SEMA3D: variants seen among roughly 807,000 people sequenced by gnomAD.
SEMA3D encodes semaphorin 3D.
In SEMA3D, 84 loss-of-function variants were observed where a neutral mutation model predicts 100.1. That is an observed-to-expected ratio of 0.84 (90% CI 0.70 to 1.01). SEMA3D has a LOEUF of 1.01. Among genes scored for constraint, SEMA3D ranks in the 50% least tolerant of loss-of-function variants. SEMA3D has a pLI of 0.00. For synonymous variants in SEMA3D, 312 were observed against 320.7 expected, an observed-to-expected ratio of 0.97 and a Z score of 0.29; for missense variants, 875 against 934.1, an observed-to-expected ratio of 0.94 and a Z score of 0.82.
chr7:85,240,659 A>G, the SEMA3D span, among the ~76,000 whole-genome samples: 1 of 152,164 alleles, frequency 6.6e-6, no homozygotes, highest in East Asian at 1.9e-4. Context: ...ATTATTGATT[A>G]AATGTTTTAA....
intron 2 of SEMA3D, among the ~76,000 whole-genome samples, chr7:85,136,008 T>C (rs1027510970): frequency 3.9e-5 from 6 of 152,064 alleles, no homozygotes; most frequent in Non-Finnish European, 7.4e-5. Flanking sequence ...GACCTTTTCC[T>C]AAATAAATGC....
intron 2 of SEMA3D, chr7:85,151,762 T>C (rs1023026584): frequency 3.5e-6 from 3 of 849,306 alleles, no homozygotes; most frequent in African/African-American, 3.7e-5. Context: ...TGACCTGAAG[T>C]AGAACTTAAA....
At chr7:85,036,259 A>G (rs1353982102) in intron 12 of SEMA3D, among the ~76,000 whole-genome samples, 1 of 152,084 alleles carries the variant, frequency 6.6e-6, no homozygotes, top group Non-Finnish European at 1.5e-5. Flanking sequence ...AGCATTTTGA[A>G]CTGCAGTTGT....
chr7:85,242,813 T>A, the SEMA3D span, among the ~76,000 whole-genome samples: 5 of 152,278 alleles, frequency 3.3e-5, no homozygotes, highest in Middle Eastern at 3.4e-3. Context: ...ACATTTTTCT[T>A]TCTCTGAAGT....
At chr7:85,175,713 T>C (rs1338446919) in intron 1 of SEMA3D, among the ~76,000 whole-genome samples, 1 of 152,102 alleles carries the variant, frequency 6.6e-6, no homozygotes, top group Non-Finnish European at 1.5e-5. Flanking sequence ...ATGCAGGTCA[T>C]TTTTCAGACA....
the SEMA3D span, among the ~76,000 whole-genome samples, chr7:85,222,847 C>A: frequency 1.3e-5 from 2 of 152,034 alleles, no homozygotes; most frequent in African/African-American, 4.8e-5. Context: ...ATCAAGGTCT[C>A]TTGAAAATTA....
chr7:85,212,202 C>G, the SEMA3D span, among the ~76,000 whole-genome samples: 1 of 142,226 alleles, frequency 7.0e-6, no homozygotes, highest in Non-Finnish European at 1.5e-5. Flanking sequence ...CTGTGTTTCT[C>G]TGTTCAGAAA....
intron 2 of SEMA3D, among the ~76,000 whole-genome samples, chr7:85,125,010 C>A (rs1307639527): frequency 6.6e-6 from 1 of 152,054 alleles, no homozygotes; most frequent in African/African-American, 2.4e-5. Context: ...GCGCTGATAT[C>A]TGATTGCAGC....
intron 3 of SEMA3D, among the ~76,000 whole-genome samples, chr7:85,111,967 C>T (rs1583934065): frequency 6.6e-6 from 1 of 152,204 alleles, no homozygotes; most frequent in Middle Eastern, 3.4e-3. Context: ...AATATTCTCT[C>T]AGTAAGCGCT....
chr7:85,072,433 T>C (rs1791800062), intron 6 of SEMA3D, among the ~76,000 whole-genome samples: 1 of 152,166 alleles, frequency 6.6e-6, no homozygotes, highest in Non-Finnish European at 1.5e-5. Flanking sequence ...TATAATGCAA[T>C]TCCACTGCAA....
chr7:85,196,696 C>G, the SEMA3D span, among the ~76,000 whole-genome samples: 1 of 152,050 alleles, frequency 6.6e-6, no homozygotes, highest in East Asian at 1.9e-4. Flanking sequence ...ATTAGAGATC[C>G]ATAAAAATAT....
chr7:85,086,718 C>T (rs1788228027), intron 4 of SEMA3D, among the ~76,000 whole-genome samples: 1 of 150,748 alleles, frequency 6.6e-6, no homozygotes, highest in Non-Finnish European at 1.5e-5. Context: ...GAGACACACG[C>T]AGTTATATAA....
intron 16 of SEMA3D, 74 bp downstream of exon 16, chr7:85,014,985 T>C: frequency 8.8e-7 from 1 of 1,138,714 alleles, no homozygotes; most frequent in Non-Finnish European, 1.3e-6. Context: ...ACTTAAACTA[T>C]AAGACAAAGC....
At chr7:85,020,439 C>T in intron 13 of SEMA3D, 118 bp from the exon 14 acceptor site, 1 of 684,896 alleles carries the variant, frequency 1.5e-6, no homozygotes, top group Non-Finnish European at 2.5e-6. Flanking sequence ...TTTCAAAAAA[C>T]AGATTAAATG....
intron 15 of SEMA3D, 91 bp from the exon 16 acceptor site, chr7:85,015,307 A>C: frequency 8.1e-7 from 1 of 1,241,724 alleles, no homozygotes; most frequent in Non-Finnish European, 1.1e-6. Flanking sequence ...ATACATATAA[A>C]TCTGTTTCTC....
At chr7:85,239,931 T>C in the SEMA3D span, among the ~76,000 whole-genome samples, 1 of 152,208 alleles carries the variant, frequency 6.6e-6, no homozygotes. Context: ...GGATTCTTTT[T>C]AATTTTCTAC....
chr7:85,100,752 T>C (rs186096874), intron 3 of SEMA3D, among the ~76,000 whole-genome samples: 1 of 152,016 alleles, frequency 6.6e-6, no homozygotes, highest in Admixed American at 6.6e-5. Flanking sequence ...TCCTTCCTTC[T>C]TTTTTTCTAC....
chr7:85,060,758 T>G (rs1791455975), intron 8 of SEMA3D, among the ~76,000 whole-genome samples: 1 of 152,198 alleles, frequency 6.6e-6, no homozygotes, highest in African/African-American at 2.4e-5. Context: ...TCTTATAGTC[T>G]CATTTTCCTA....
chr7:85,216,814 T>C, the SEMA3D span, among the ~76,000 whole-genome samples: 2 of 152,022 alleles, frequency 1.3e-5, no homozygotes, highest in Admixed American at 6.6e-5. Context: ...TTTTTTCTCA[T>C]TCTAAATAAA....
Sources: allele counts gnomAD v4.1 joint callset (sites outside exome capture counted in the v4.1 genomes callset), GRCh38; gene constraint gnomAD v4.1.1; transcripts MANE v1.5; gene names NCBI Gene and HGNC (gene_info 2026-07-23, HGNC 2026-07-21).